The following NDRG4 variants were observed in gnomAD, a reference collection of about 807,000 sequenced individuals.
NDRG4 encodes the protein NDRG family member 4.
Under a neutral mutation model 55.8 loss-of-function variants are expected in NDRG4, and 38 were observed. That is an observed-to-expected ratio of 0.68 (90% CI 0.53 to 0.89). The LOEUF is 0.89. Among genes scored for constraint, NDRG4 ranks in the 40% least tolerant of loss-of-function variants. The pLI is 0.00. For missense variants in NDRG4, 455 were observed against 468.6 expected, an observed-to-expected ratio of 0.97 and a Z score of 0.27; for synonymous variants, 190 against 182.7, an observed-to-expected ratio of 1.04 and a Z score of -0.32.
intron 10 of NDRG4, among the ~76,000 whole-genome samples, 191 bp downstream of exon 10, chr16:58,508,190 G>T (rs534516027): frequency 1.3e-5 from 2 of 152,310 alleles, no homozygotes; most frequent in South Asian, 4.1e-4. Flanking sequence ...CATCCTTCTG[G>T]CTGGGGAGGC....
chr16:58,481,911 CA>C (rs1307958698), intron 1 of NDRG4, among the ~76,000 whole-genome samples: 1 of 152,168 alleles, frequency 6.6e-6, no homozygotes, highest in Non-Finnish European at 1.5e-5. Context: ...CTATATAGTG[CA>C]GTTGGAAGGT....
chr16:58,507,116 T>C, intron 8 of NDRG4, 101 bp downstream of exon 8: 1 of 899,866 alleles, frequency 1.1e-6, no homozygotes, highest in East Asian at 2.6e-5. Context: ...CTTGCCCTGG[T>C]TTGTAGATGG....
At chr16:58,514,996 G>A (rs1460231228), downstream of NDRG4, among the ~76,000 whole-genome samples, 1 of 152,208 alleles carries the variant, frequency 6.6e-6, no homozygotes, top group African/African-American at 2.4e-5. Flanking sequence ...TAAAAACGAG[G>A]ATGTACTGGC....
At chr16:58,507,776 C>T in intron 8 of NDRG4, 32 bp from the exon 9 acceptor site, 1 of 1,609,784 alleles carries the variant, frequency 6.2e-7, no homozygotes, top group Non-Finnish European at 8.5e-7. Context: ...GGGGTGCCCA[C>T]CTCTGCCTCT....
intron 2 of NDRG4, among the ~76,000 whole-genome samples, chr16:58,493,707 C>T (rs1371476322): frequency 6.6e-6 from 1 of 152,224 alleles, no homozygotes; most frequent in Non-Finnish European, 1.5e-5. Flanking sequence ...GTGAGCTGCC[C>T]GGGAGTTCAC....
chr16:58,511,364 A>G, intron 14 of NDRG4, 58 bp from the exon 15 acceptor site: 1 of 1,522,372 alleles, frequency 6.6e-7, no homozygotes, highest in South Asian at 1.3e-5. Context: ...TACTTTTCCC[A>G]CCAGAGGCAC....
intron 2 of NDRG4, chr16:58,494,846 A>AC: frequency 1.3e-6 from 1 of 767,598 alleles, no homozygotes; most frequent in African/African-American, 1.9e-5. Context: ...AAAAAAAAAA[A>AC]AGAAAAGAAA....
intron 1 of NDRG4, among the ~76,000 whole-genome samples, chr16:58,483,329 T>C (rs567281079): frequency 6.6e-6 from 1 of 152,096 alleles, no homozygotes; most frequent in African/African-American, 2.4e-5. Context: ...AGGGGCCTGC[T>C]GGCTGCATGG....
chr16:58,480,083 G>T (rs1307112352), intron 1 of NDRG4, among the ~76,000 whole-genome samples: 4 of 152,126 alleles, frequency 2.6e-5, no homozygotes, highest in African/African-American at 9.7e-5. Context: ...TAGGAGGTGG[G>T]GAATGTGCAG....
chr16:58,466,827 C>G (rs2031781572), intron 1 of NDRG4, among the ~76,000 whole-genome samples: 1 of 152,158 alleles, frequency 6.6e-6, no homozygotes, highest in Non-Finnish European at 1.5e-5. Flanking sequence ...AACTGTTGGC[C>G]CCTGTCTCTA....
chr16:58,504,411 C>G lies in NDRG4; in HGVS notation c.301C>G (p.Gln101Glu), dbSNP rs751500566. The G allele has an allele frequency of 1.2e-6, 2 of 1,612,546 alleles. No individual in the cohort carries two copies. The highest frequency in any genetic ancestry group is 3.3e-5 in the Admixed American group (2 of 60,034). Reference protein sequence around the residue: ...QLAAMLPSVVQHFGFKYVIGI... With the variant: ...QLAAMLPSVVEHFGFKYVIGI... ...GGCTGCCATGCTCCCCAGCGTGGTG[C>G]AGCATTTCGGGTGAGTCCCCGCACA... Residue 101 changes from glutamine (Q) to glutamate (E), a missense_variant, in exon 4 of 15, where the codon CAG (glutamine) becomes GAG (glutamate). Transcript: ENST00000570248.
chr16:58,509,319 G>T lies in NDRG4; in HGVS notation c.832G>T (p.Ala278Ser). 6.2e-7 allele frequency: 1 copy of T among 1,614,072 alleles called. No homozygotes were observed. The highest frequency in any genetic ancestry group is 1.7e-4 in the Middle Eastern group (1 of 6,060). ...QVTQPGKLTE[A>S]FKYFLQGMGY... ...TCCGCAGCCAGGGAAGCTGACTGAA[G>T]CCTTCAAATACTTCCTGCAAGGCAT... The change falls in exon 13 of 15, where the codon GCC (alanine) becomes TCC (serine). Residue 278 changes from alanine (A) to serine (S), a missense_variant. Transcript: ENST00000570248.
At chr16:58,465,393 A>G (rs2031402040) in intron 1 of NDRG4, among the ~76,000 whole-genome samples, 1 of 152,124 alleles carries the variant, frequency 6.6e-6, no homozygotes, top group Non-Finnish European at 1.5e-5. Flanking sequence ...AGTCGGGGGC[A>G]GCTTTTGAAG....
At chr16:58,501,635 T>A (rs2037127324) in intron 1 of NDRG4, 1 of 200,608 alleles carries the variant, frequency 5.0e-6, no homozygotes, top group African/African-American at 2.3e-5. Flanking sequence ...GTTAGGGAGG[T>A]TCGCAGCAGG....
chr16:58,469,924 G>A (rs1222465598), intron 1 of NDRG4, among the ~76,000 whole-genome samples: 2 of 152,224 alleles, frequency 1.3e-5, no homozygotes, highest in African/African-American at 4.8e-5. Context: ...TGAGTGGCTG[G>A]CTGGAATTTA....
At chr16:58,481,029 G>A (rs2034323347) in intron 1 of NDRG4, among the ~76,000 whole-genome samples, 1 of 149,822 alleles carries the variant, frequency 6.7e-6, no homozygotes, top group African/African-American at 2.4e-5. Flanking sequence ...AAAAAAAGAT[G>A]ATAGAGTCCA....
chr16:58,485,073 G>A (rs1157862698), intron 1 of NDRG4, among the ~76,000 whole-genome samples: 3 of 151,820 alleles, frequency 2.0e-5, no homozygotes, highest in African/African-American at 7.3e-5. Flanking sequence ...TAGTAGAGAC[G>A]GGGTTTCACC....
At chr16:58,501,991 A>G (rs2037209676) in intron 1 of NDRG4, 1 of 455,908 alleles carries the variant, frequency 2.2e-6, no homozygotes, top group Non-Finnish European at 4.4e-6. Flanking sequence ...TCCAGAGCTG[A>G]GAGAACTCAC....
At chr16:58,504,807 T>C (rs760416404) in intron 5 of NDRG4, 158 bp downstream of exon 5, 3 of 705,498 alleles carry the variant, frequency 4.3e-6, no homozygotes, top group Non-Finnish European at 7.1e-6. Context: ...TCTTTTTTCT[T>C]TTTTCCTCCA....
Sources: gnomAD v4.1 joint callset for allele counts (sites outside exome capture counted in the v4.1 genomes callset) on GRCh38, gnomAD v4.1.1 for gene constraint, MANE v1.5 for transcripts, NCBI Gene and HGNC (gene_info 2026-07-23, HGNC 2026-07-21) for gene names.